IGF1R: variants seen among roughly 807,000 people sequenced by gnomAD.
The protein encoded by IGF1R is insulin like growth factor 1 receptor.
In IGF1R, 44 loss-of-function variants were observed where a neutral mutation model predicts 144.6. That is an observed-to-expected ratio of 0.30 (90% confidence interval 0.24 to 0.39). The LOEUF is 0.39. IGF1R is among the 10% of genes least tolerant of loss of function. The probability of loss-of-function intolerance (pLI) is 1.00; values close to 1 mark genes in which losing one functional copy is unlikely to be tolerated. For synonymous variants in IGF1R, 795 were observed against 722.8 expected (o/e 1.10, Z -1.60); for missense variants, 1,355 against 1,833.7 (o/e 0.74, Z 4.77).
intron 2 of IGF1R, among the ~76,000 whole-genome samples, chr15:98,815,943 T>A (rs184045006): frequency 6.6e-6 from 1 of 152,300 alleles, no homozygotes; most frequent in East Asian, 1.9e-4. Context: ...AAAGTCAATA[T>A]GGTAAAATAT....
chr15:98,803,527 A>C (rs2056407662), intron 2 of IGF1R, among the ~76,000 whole-genome samples: 1 of 10,774 alleles, frequency 9.3e-5, no homozygotes, highest in African/African-American at 1.3e-4. Flanking sequence ...TATTTATGAG[A>C]TAGGGTCTTG....
intron 17 of IGF1R, among the ~76,000 whole-genome samples, chr15:98,936,354 A>G (rs567676715): frequency 6.6e-6 from 1 of 152,366 alleles, no homozygotes; most frequent in East Asian, 1.9e-4. Flanking sequence ...CTGTAGTATT[A>G]ACCCACAGGC....
chr15:98,738,790 C>T (rs1264234233), intron 2 of IGF1R, among the ~76,000 whole-genome samples: 1 of 152,192 alleles, frequency 6.6e-6, no homozygotes, highest in Non-Finnish European at 1.5e-5. Context: ...GTCATTTCCC[C>T]AGTGTACTCA....
At chr15:98,791,614 C>T (rs1478035509) in intron 2 of IGF1R, among the ~76,000 whole-genome samples, 2 of 152,042 alleles carry the variant, frequency 1.3e-5, no homozygotes, top group African/African-American at 4.8e-5. Flanking sequence ...CCTAAGGAGG[C>T]CATTAGGAAA....
intron 1 of IGF1R, among the ~76,000 whole-genome samples, chr15:98,684,722 G>T (rs868508637): frequency 6.6e-6 from 1 of 152,280 alleles, no homozygotes; most frequent in South Asian, 2.1e-4. Flanking sequence ...GAGAAAGGCA[G>T]TCATCGGGAG....
At chr15:98,698,132 A>G (rs2053639716) in intron 1 of IGF1R, among the ~76,000 whole-genome samples, 1 of 145,442 alleles carries the variant, frequency 6.9e-6, no homozygotes, top group African/African-American at 2.6e-5. Context: ...TCTGCCTCCC[A>G]GGTTGAAGTG....
rs967510696 is a variant in IGF1R at position 98,819,621 on chromosome 15, T to C, written c.641-71704T>C. Among the ~76,000 whole-genome samples, 5 of 152,310 alleles carry C rather than the reference T, an allele frequency of 3.3e-5. No individual in the cohort carries two copies. The East Asian group carries it at 9.6e-4, about 29-fold the overall frequency. The stretch of plus-strand genomic sequence containing the variant: ...AAGCTACCTAGTTTAAGGTGTTTTG[T>C]TATAGGTGCCCAGACAGGCTAGGAC... On this transcript the variant is annotated intron_variant, in intron 2 of 20. Transcript: ENST00000650285.
intron 1 of IGF1R, among the ~76,000 whole-genome samples, chr15:98,657,052 G>C (rs558439238): frequency 6.6e-6 from 1 of 152,310 alleles, no homozygotes; most frequent in Admixed American, 6.5e-5. Context: ...GATACATTGT[G>C]ATTGCTTTCA....
chr15:98,710,393 C>T (rs12901570), intron 2 of IGF1R, among the ~76,000 whole-genome samples: 6,908 of 152,168 alleles, frequency 0.045, 202 homozygotes, highest in Middle Eastern at 0.079. Context: ...TCTTGGTTTG[C>T]GTAGATTCCA....
chr15:98,843,071 T>A (rs1040723114), intron 2 of IGF1R, among the ~76,000 whole-genome samples: 1 of 152,234 alleles, frequency 6.6e-6, no homozygotes, highest in Non-Finnish European at 1.5e-5. Context: ...CTTGCGTCAT[T>A]AAGTTGTGCC....
chr15:98,807,767 A>G (rs2056499453), intron 2 of IGF1R, among the ~76,000 whole-genome samples: 2 of 152,344 alleles, frequency 1.3e-5, no homozygotes, highest in African/African-American at 4.8e-5. Flanking sequence ...CTTTGTTGTC[A>G]TTAGTGTATA....
At chr15:98,882,012 T>C (rs923841334) in intron 2 of IGF1R, among the ~76,000 whole-genome samples, 1 of 152,218 alleles carries the variant, frequency 6.6e-6, no homozygotes, top group Admixed American at 6.5e-5. Flanking sequence ...TTCAGGTGAC[T>C]AGAAGCTCAG....
chr15:98,775,886 T>C (rs2055700503), intron 2 of IGF1R, among the ~76,000 whole-genome samples: 1 of 152,222 alleles, frequency 6.6e-6, no homozygotes, highest in Non-Finnish European at 1.5e-5. Flanking sequence ...TGAGAACCAC[T>C]GGTCTATTAA....
At position 98,913,264 on chromosome 15, in the gene IGF1R, A is replaced by G. The variant is rs745430426; in HGVS notation, c.1810A>G (p.Ile604Val). The change falls in exon 8 of 21, where the codon ATT (isoleucine) becomes GTT (valine). Residue 604 changes from isoleucine (I) to valine (V), a missense_variant. Around this residue, in one of 7 missense-constraint regions of IGF1R, gnomAD observed 880 missense variants for 1,202.7 expected, o/e 0.73. Coordinates refer to ENST00000650285, the MANE Select transcript of IGF1R (RefSeq NM_000875.5). Reference protein sequence around the residue: ...IRGAKSEILYIRTNASVPSIP... With the variant: ...IRGAKSEILYVRTNASVPSIP... ...TGGGGCCAAGAGTGAGATCTTGTAC[A>G]TTCGCACCAATGCTTCAGGTATCCA... The G allele has an allele frequency of 6.2e-7, 1 of 1,613,734 alleles. No homozygotes were observed. Among genetic ancestry groups the G allele is most frequent in the African/African-American group, 1.3e-5 (1 of 75,052 alleles).
intron 2 of IGF1R, among the ~76,000 whole-genome samples, chr15:98,777,947 A>G (rs544231699): frequency 6.6e-6 from 1 of 152,366 alleles, no homozygotes; most frequent in East Asian, 1.9e-4. Flanking sequence ...ACCTTACAGT[A>G]TAAAGACCCA....
chr15:98,710,724 C>T (rs1172201720), intron 2 of IGF1R, among the ~76,000 whole-genome samples: 10 of 148,416 alleles, frequency 6.7e-5, no homozygotes, highest in African/African-American at 1.0e-4. Flanking sequence ...TGGAGTGCAG[C>T]GGCGCGATCT....
chr15:98,648,948 C>T lies in IGF1R; in HGVS notation c.-634C>T, dbSNP rs976690645. The T allele has an allele frequency of 9.9e-5, 19 of 191,872 alleles. No homozygotes were observed. The highest frequency in any genetic ancestry group is 3.3e-4 in the African/African-American group (14 of 42,478). The allele number at this position is 191,872 out of a possible 1,614,324, so 11.9% of individuals were successfully genotyped here. ...GCTGAGCGCGGCGCGGCCGGCCCGCCGCTTTGTGTGTGTCCTGGATTTGGG... is the reference window on the plus strand; with the variant it reads ...GCTGAGCGCGGCGCGGCCGGCCCGCTGCTTTGTGTGTGTCCTGGATTTGGG... On this transcript the variant is annotated 5_prime_UTR_variant, in exon 1 of 21. Transcript: ENST00000650285.
chr15:98,943,895 C>A (rs1338695544), intron 19 of IGF1R, among the ~76,000 whole-genome samples: 3 of 151,840 alleles, frequency 2.0e-5, no homozygotes, highest in Non-Finnish European at 4.4e-5. Context: ...TTTTTTTAAC[C>A]TCGTAAACCT....
chr15:98,931,955 A>AC lies in IGF1R; in HGVS notation c.2956+1651dup, dbSNP rs376717333. 4.9e-3 allele frequency among the ~76,000 whole-genome samples: 747 copies of AC among 152,340 alleles called. 9 individuals carry two copies. The highest frequency in any genetic ancestry group is 0.017 in the Middle Eastern group (5 of 294). Reference sequence around the variant, plus strand: ...CATCCCAGATGATGGAATTGATAGAACAAGGCAAGACCACTTTCTCCCTCT... The same window carrying AC: ...CATCCCAGATGATGGAATTGATAGAACCAAGGCAAGACCACTTTCTCCCTCT... On this transcript the variant is annotated intron_variant, in intron 15 of 20. Transcript: ENST00000650285.
Sources: allele counts gnomAD v4.1 joint callset (sites outside exome capture counted in the v4.1 genomes callset), GRCh38; gene constraint gnomAD v4.1.1; regional missense constraint gnomAD v4.1.1; transcripts MANE v1.5; gene names NCBI Gene and HGNC (gene_info 2026-07-23, HGNC 2026-07-21).